GFRAL: variants seen among roughly 807,000 people sequenced by gnomAD.
GFRAL encodes GDNF family receptor alpha-like.
GFRAL carries 36 observed loss-of-function variants against 45.4 expected under a neutral mutation model. The ratio of observed to expected loss-of-function variants is 0.79; its 90% CI spans 0.61 to 1.05. GFRAL has a LOEUF of 1.05. Among genes scored for constraint, GFRAL ranks in the 50% least tolerant of loss-of-function variants. The pLI, the probability that GFRAL is intolerant of heterozygous loss-of-function variation, is 0.00. For missense variants in GFRAL, 507 were observed against 467.5 expected (o/e 1.08, Z -0.78); for synonymous variants, 166 against 154.1 (o/e 1.08, Z -0.57).
chr6:55,351,587 G>A lies in GFRAL; in HGVS notation c.701+4G>A. On this transcript the variant is annotated splice_donor_region_variant and intron_variant, in intron 5 of 8. Coordinates refer to ENST00000340465, the MANE Select transcript of GFRAL (RefSeq NM_207410.2). ...GCCAAAATGATGAATTATGCAGGTGGGTAAAAACACTCATACCTTACTTTC... is the reference window on the plus strand; with the variant it reads ...GCCAAAATGATGAATTATGCAGGTGAGTAAAAACACTCATACCTTACTTTC... The A allele has an allele frequency of 6.3e-7, 1 of 1,588,998 alleles. No homozygotes were observed. The highest frequency in any genetic ancestry group is 8.6e-7 in the Non-Finnish European group (1 of 1,161,726).
chr6:55,369,394 A>C (rs1373169567), intron 6 of GFRAL, among the ~76,000 whole-genome samples: 1 of 152,056 alleles, frequency 6.6e-6, no homozygotes, highest in Non-Finnish European at 1.5e-5. Context: ...TGCAGAAATC[A>C]CCCATCTTCT....
At chr6:55,384,573 CTG>C (rs1467358636) in intron 6 of GFRAL, among the ~76,000 whole-genome samples, 4 of 152,164 alleles carry the variant, frequency 2.6e-5, no homozygotes, top group East Asian at 1.9e-4. Context: ...ATCAAGCACA[CTG>C]TGTTTAGAAA....
chr6:55,348,391 T>G (rs1220678992), intron 3 of GFRAL, among the ~76,000 whole-genome samples: 1 of 152,134 alleles, frequency 6.6e-6, no homozygotes, highest in Admixed American at 6.6e-5. Flanking sequence ...AATAACTGTT[T>G]TGTTGTGTTG....
At chr6:55,382,177 G>A (rs770400701) in intron 6 of GFRAL, among the ~76,000 whole-genome samples, 4 of 151,820 alleles carry the variant, frequency 2.6e-5, no homozygotes, top group Non-Finnish European at 5.9e-5. Flanking sequence ...GGATTAAAAT[G>A]GTTCCATGGT....
intron 6 of GFRAL, among the ~76,000 whole-genome samples, chr6:55,375,069 T>A (rs1275095811): frequency 6.6e-6 from 1 of 152,182 alleles, no homozygotes; most frequent in Non-Finnish European, 1.5e-5. Context: ...TACCTCCAGA[T>A]TTGTTCCTTT....
chr6:55,346,866 G>A (rs150089167), intron 3 of GFRAL, among the ~76,000 whole-genome samples: 1,853 of 111,742 alleles, frequency 0.017, 28 homozygotes, highest in Non-Finnish European at 0.026. Context: ...AACAAAGTAA[G>A]TGATGAAGAA....
At chr6:55,335,575 A>G (rs1767880460) in intron 3 of GFRAL, among the ~76,000 whole-genome samples, 1 of 152,170 alleles carries the variant, frequency 6.6e-6, no homozygotes. Flanking sequence ...GCTTTAGGTT[A>G]TATATTTAGG....
intron 6 of GFRAL, among the ~76,000 whole-genome samples, chr6:55,396,408 T>G (rs2127367039): frequency 6.6e-6 from 1 of 152,274 alleles, no homozygotes; most frequent in South Asian, 2.1e-4. Flanking sequence ...TACTTTTTTC[T>G]TCTGCAAAGA....
intron 3 of GFRAL, among the ~76,000 whole-genome samples, chr6:55,343,819 G>A (rs1768003071): frequency 6.6e-6 from 1 of 152,024 alleles, no homozygotes; most frequent in Non-Finnish European, 1.5e-5. Context: ...GAATCAAATA[G>A]AAGCAATAAA....
intron 3 of GFRAL, among the ~76,000 whole-genome samples, chr6:55,343,532 G>T (rs1278391100): frequency 6.6e-6 from 1 of 152,180 alleles, no homozygotes; most frequent in African/African-American, 2.4e-5. Context: ...AAAGCAGTGT[G>T]TAGAGGGAAA....
chr6:55,375,358 C>T (rs534640941), intron 6 of GFRAL, among the ~76,000 whole-genome samples: 16 of 152,030 alleles, frequency 1.1e-4, no homozygotes, highest in Non-Finnish European at 2.4e-4. Flanking sequence ...TAGCTGTATT[C>T]CTAGATATTT....
Position 55,399,290 on chromosome 6 carries a change from A to C in GFRAL, c.1048+15A>C. The C allele has an allele frequency of 1.3e-6, 2 of 1,521,708 alleles. 1 individual carries two copies. The highest frequency in any genetic ancestry group is 2.3e-5 in the South Asian group (2 of 86,214). 94.3% of individuals were successfully genotyped at this position (1,521,708 alleles called of 1,614,324 possible). ...CCCCTTCAATGGTCAGTTAAAAATC[A>C]ATCCTCTATAATATTTATATTATTT... On this transcript the variant is annotated intron_variant, in intron 7 of 8. Transcript: ENST00000340465.
chr6:55,387,043 T>C (rs545334026), intron 6 of GFRAL, among the ~76,000 whole-genome samples: 30 of 152,266 alleles, frequency 2.0e-4, no homozygotes, highest in Middle Eastern at 3.4e-3. Flanking sequence ...AAATCCTTCA[T>C]TGAACATGAA....
intron 3 of GFRAL, among the ~76,000 whole-genome samples, chr6:55,338,385 G>A (rs115400583): frequency 0.013 from 1,992 of 152,162 alleles, 22 homozygotes; most frequent in Non-Finnish European, 0.022. Context: ...CCACCATGCC[G>A]AGCCAGAAGG....
At chr6:55,374,109 A>AGCATATGTGGTATATATGTGGTATATATG in intron 6 of GFRAL, among the ~76,000 whole-genome samples, 1 of 152,304 alleles carries the variant, frequency 6.6e-6, no homozygotes, top group South Asian at 2.1e-4. Flanking sequence ...ATAGTATCCC[A>AGCATATGTGGTATATATGTGGTATATATG]TGGTATATAT....
chr6:55,392,625 T>G (rs1404321088), intron 6 of GFRAL, among the ~76,000 whole-genome samples: 2 of 152,008 alleles, frequency 1.3e-5, no homozygotes, highest in Admixed American at 1.3e-4. Flanking sequence ...ACAATAAGAA[T>G]AGCACTTGAA....
intron 6 of GFRAL, among the ~76,000 whole-genome samples, chr6:55,394,352 A>G (rs778486266): frequency 2.6e-5 from 4 of 152,144 alleles, no homozygotes; most frequent in Non-Finnish European, 5.9e-5. Flanking sequence ...GGGGAGGGGC[A>G]GGACTGAATC....
intron 6 of GFRAL, among the ~76,000 whole-genome samples, chr6:55,361,753 C>T (rs1049324928): frequency 2.0e-5 from 3 of 151,952 alleles, no homozygotes; most frequent in Non-Finnish European, 4.4e-5. Flanking sequence ...CTCATCATTG[C>T]CCCGACTTCT....
chr6:55,389,490 C>A (rs1410961813), intron 6 of GFRAL, among the ~76,000 whole-genome samples: 1 of 152,078 alleles, frequency 6.6e-6, no homozygotes, highest in African/African-American at 2.4e-5. Flanking sequence ...AAAAATAGCT[C>A]CTGTTGTATG....
Sources: gnomAD v4.1 joint callset for allele counts (sites outside exome capture counted in the v4.1 genomes callset) on GRCh38, gnomAD v4.1.1 for gene constraint, MANE v1.5 for transcripts, NCBI Gene and HGNC (gene_info 2026-07-23, HGNC 2026-07-21) for gene names.